MYBBP1A: variants seen among roughly 807,000 people sequenced by gnomAD.
The protein encoded by MYBBP1A is MYB binding protein 1a, also known as myb-binding protein 1A.
A neutral mutation model predicts 136.3 loss-of-function variants in MYBBP1A; 147 were observed. The observed-to-expected ratio is 1.08, with a 90% confidence interval of 0.94 to 1.24. MYBBP1A has a LOEUF of 1.24. Among genes scored for constraint, MYBBP1A ranks in the 50% most tolerant of loss-of-function variants. The pLI is 0.00. For synonymous variants in MYBBP1A, 947 were observed against 735.8 expected, an observed-to-expected ratio of 1.29 and a Z score of -4.65; for missense variants, 2,060 against 1,727.4, an observed-to-expected ratio of 1.19 and a Z score of -3.41.
intron 22 of MYBBP1A, 67 bp from the exon 23 acceptor site, chr17:4,541,958 T>C: frequency 7.4e-7 from 1 of 1,350,016 alleles, no homozygotes; most frequent in Non-Finnish European, 1.0e-6. Flanking sequence ...CAGGGATGCA[T>C]GAGGGCTCGG....
Position 4,554,078 on chromosome 17 carries a change from C to A in MYBBP1A, c.394G>T (p.Ala132Ser). ...HQVKKAMLRP[A>S]LFANLFGVLA... The stretch of plus-strand genomic sequence containing the variant: ...ACTCCAAACAGGTTTGCAAAGAGAG[C>A]AGGTCTCAGCATTGCCTAGAAAAGG... Residue 132 changes from alanine to serine, a missense_variant, in exon 4 of 26, where the codon GCT (alanine) becomes TCT (serine). By Grantham distance (99) the Ala-to-Ser change is moderately conservative. Transcript: ENST00000254718. 6.2e-7 allele frequency: 1 copy of A among 1,614,044 alleles called. No individual in the cohort carries two copies. Among genetic ancestry groups the A allele is most frequent in the East Asian group, 2.2e-5 (1 of 44,886 alleles).
intron 22 of MYBBP1A, 85 bp downstream of exon 22, chr17:4,542,379 C>G (rs2144429833): frequency 6.9e-7 from 1 of 1,453,754 alleles, no homozygotes; most frequent in African/African-American, 1.4e-5. Flanking sequence ...GGACAGCGCT[C>G]TGGGGCCTCA....
Position 4,548,214 on chromosome 17 carries a change from G to C in MYBBP1A, c.1653C>G (p.Leu551=), listed in dbSNP as rs763237942. 1.2e-6 allele frequency: 2 copies of C among 1,609,670 alleles called. No individual in the cohort carries two copies. Among genetic ancestry groups the C allele is most frequent in the East Asian group, 2.2e-5 (1 of 44,890 alleles). The change falls in exon 12 of 26, where the codon CTC becomes CTG. Residue 551 remains leucine (L), a synonymous_variant. Coordinates refer to ENST00000254718, the MANE Select transcript of MYBBP1A (RefSeq NM_014520.4). This position sits in a 1 kb window ranked among gnomAD's most constrained non-coding sequence, Gnocchi z 4.2. ...TCACGTTGTGGCTGTGATTCAACAG[G>C]AGGTCTGCGAACTGCACCAGGTGGT... ...WTYHLVQFAD[L]LLNHSHNVTT... is the part of the protein sequence containing the mutation.
In MYBBP1A at chr17:4,542,960, T is replaced by C; in HGVS notation, c.2845A>G (p.Lys949Glu). ...AEGCVHETQE[K>E]QKAGTDPSHM... ...CTGGGGTCAGTGCCAGCTTTCTGCT[T>C]CTCCTGTGTCTCATGCACGCAGCCC... The change falls in exon 20 of 26, where the codon AAG (lysine) becomes GAG (glutamate). Residue 949 changes from lysine (K) to glutamate (E), a missense_variant. Physicochemically the swap from Lys to Glu is moderately conservative, Grantham distance 56. Transcript: ENST00000254718. 1.9e-6 allele frequency: 3 copies of C among 1,613,946 alleles called. No homozygotes were observed. The highest frequency in any genetic ancestry group is 2.5e-6 in the Non-Finnish European group (3 of 1,179,956).
intron 16 of MYBBP1A, 35 bp from the exon 17 acceptor site, chr17:4,545,210 C>G (rs202129429): frequency 3.1e-4 from 503 of 1,613,022 alleles, no homozygotes; most frequent in Middle Eastern, 2.8e-3. Context: ...ACACACCTCC[C>G]CGATCGTCCC....
chr17:4,555,130 C>T lies in MYBBP1A; in HGVS notation c.195G>A (p.Pro65=). ...EKLLEYLRGR[P]KGSEMKYALK... ...GCCCCAGACCCCGCCACTCCACCTT[C>T]GGCCTGCCACGCAGATACTCCAGCA... Residue 65 remains proline, a synonymous_variant, in exon 1 of 26, where the codon CCG becomes CCA. Coordinates refer to ENST00000254718, the MANE Select transcript of MYBBP1A (RefSeq NM_014520.4). The T allele has an allele frequency of 1.3e-6, 2 of 1,588,726 alleles. No individual in the cohort carries two copies. Among genetic ancestry groups the T allele is most frequent in the Non-Finnish European group, 1.7e-6 (2 of 1,167,248 alleles).
intron 5 of MYBBP1A, among the ~76,000 whole-genome samples, chr17:4,553,076 C>T (rs547634518): frequency 6.0e-4 from 91 of 152,350 alleles, no homozygotes; most frequent in African/African-American, 2.1e-3. Flanking sequence ...CCCACCTCGG[C>T]CTCCCAAAGT....
At position 4,544,588 on chromosome 17, in the gene MYBBP1A, T is replaced by G; in HGVS notation, c.2540A>C (p.Glu847Ala). The change falls in exon 19 of 26, where the codon GAG becomes GCG. Residue 847 changes from glutamate to alanine, a missense_variant. Physicochemically the swap from Glu to Ala is moderately radical, Grantham distance 107. Transcript: ENST00000254718. ...GATGCTCAGCAGCGGCTCCAGCAGC[T>G]CCAGGACCAGGGCATTCTCGGGCTG... ...TKQPENALVL[E>A]LLEPLLSIIR... 1 of 1,580,392 alleles carries G rather than the reference T, an allele frequency of 6.3e-7. No individual in the cohort carries two copies.
chr17:4,553,630 A>T (rs1382505988), intron 5 of MYBBP1A, among the ~76,000 whole-genome samples, 180 bp downstream of exon 5: 1 of 152,258 alleles, frequency 6.6e-6, no homozygotes, highest in East Asian at 1.9e-4. Flanking sequence ...GTCAAATGTC[A>T]CTAAATGTTA....
chr17:4,549,248 G>A (rs2144484815), intron 10 of MYBBP1A, 84 bp downstream of exon 10: 1 of 1,192,274 alleles, frequency 8.4e-7, no homozygotes, highest in Non-Finnish European at 1.2e-6. Context: ...TCTGGCTCCA[G>A]GGGATGCAAA....
Position 4,548,281 on chromosome 17 carries a change from T to C in MYBBP1A, c.1586A>G (p.Lys529Arg), listed in dbSNP as rs73337533. Residue 529 changes from lysine (K) to arginine (R), a missense_variant, in exon 12 of 26, where the codon AAG becomes AGG. Transcript: ENST00000254718. The surrounding 1 kb of genome is among the most constrained non-coding windows in gnomAD (Gnocchi z 4.2). ...ACCCTGGGTCTGGCCCGGTGCCTGC[T>C]TGAACTGCGTGCTGAGGGTCTGCAA... ...SLLQTLSTQFKQAPGQTQGGQ... is the reference protein window; with the variant it reads ...SLLQTLSTQFRQAPGQTQGGQ... 0.016 allele frequency: 26,282 copies of C among 1,612,550 alleles called. 362 individuals are homozygous for C. The highest frequency in any genetic ancestry group is 0.056 in the African/African-American group (4,207 of 75,044).
At position 4,542,673 on chromosome 17, in the gene MYBBP1A, G is replaced by C. The variant is rs140133737; in HGVS notation, c.2961C>G (p.Thr987=). 8.1e-6 allele frequency: 13 copies of C among 1,614,050 alleles called. No homozygotes were observed. The African/African-American group carries it at 1.7e-4, about 22-fold the overall frequency. ...GAACTGTGAGGGGGCTGTTGCGCTT[G>C]GTCAGGAAGGAGCTCAGTGCTGTCG... The part of the protein sequence containing the change: ...VYSTALSSFL[T]KRNSPLTVPM... Residue 987 remains threonine (T), a synonymous_variant, in exon 21 of 26, where the codon ACC becomes ACG. Coordinates refer to ENST00000254718, the MANE Select transcript of MYBBP1A (RefSeq NM_014520.4).
intron 22 of MYBBP1A, 156 bp from the exon 23 acceptor site, chr17:4,542,047 T>C: frequency 3.2e-6 from 2 of 623,858 alleles, no homozygotes; most frequent in East Asian, 2.8e-5. Context: ...CTCCTGTGCC[T>C]TTGTGTGCAG....
Position 4,548,086 on chromosome 17 carries a change from C to T in MYBBP1A, c.1725-29G>A, listed in dbSNP as rs1907157226. The stretch of plus-strand genomic sequence containing the variant: ...CGGGGAGACAGGCGATTCCCAGGCC[C>T]CTGCACCAGTCAGACTGCAGCGTCC... On this transcript the variant is annotated intron_variant, in intron 12 of 25. Transcript: ENST00000254718. This position sits in a 1 kb window ranked among gnomAD's most constrained non-coding sequence, Gnocchi z 4.2. 1.2e-6 allele frequency: 2 copies of T among 1,600,190 alleles called. No homozygotes were observed. The highest frequency in any genetic ancestry group is 1.7e-6 in the Non-Finnish European group (2 of 1,176,428).
chr17:4,551,973 G>GC lies in MYBBP1A; in HGVS notation c.929dup (p.Ala311ArgfsTer31). ...CCTTGGTCAGCAGGGGCAGGGCCGC[G>GC]CCCAGCAGGCGGAAACACAGGTAGC... On this transcript the variant is annotated frameshift_variant, in exon 8 of 26. Transcript: ENST00000254718. LOFTEE classifies it high-confidence loss of function. 6.2e-7 allele frequency: 1 copy of GC among 1,610,798 alleles called. No homozygotes were observed. Among genetic ancestry groups the GC allele is most frequent in the Non-Finnish European group, 8.5e-7 (1 of 1,177,716 alleles).
rs1906434939 is a variant in MYBBP1A, at chr17:4,541,575, G to A, written c.3196-11C>T. 3 of 1,610,648 alleles carry A rather than the reference G, an allele frequency of 1.9e-6. No homozygotes were observed. The highest frequency in any genetic ancestry group is 2.5e-6 in the Non-Finnish European group (3 of 1,179,706). On this transcript the variant is annotated splice_polypyrimidine_tract_variant and intron_variant, in intron 23 of 25. Transcript: ENST00000254718. ...CAGCACGCGCAAGTTCTAGGGAAGGGTGGCCAGGCTGAGGCACTCCGGAGA... is the reference window on the plus strand; with the variant it reads ...CAGCACGCGCAAGTTCTAGGGAAGGATGGCCAGGCTGAGGCACTCCGGAGA...
rs1379184286 is a variant in MYBBP1A at position 4,539,352 on chromosome 17, A to G, written c.*63T>C. The G allele has an allele frequency of 6.7e-7, 1 of 1,501,790 alleles. No individual in the cohort carries two copies. Among genetic ancestry groups the G allele is most frequent in the East Asian group, 2.3e-5 (1 of 43,640 alleles). 93.0% of individuals were successfully genotyped at this position (1,501,790 alleles called of 1,614,324 possible). On this transcript the variant is annotated 3_prime_UTR_variant, in exon 26 of 26. Coordinates refer to ENST00000254718, the MANE Select transcript of MYBBP1A (RefSeq NM_014520.4). ...GTATTAAAATCATGGTTTAAAAAAAAAAAAAAAAAATAGGCGTCTCAGGCA... is the reference window on the plus strand; with the variant it reads ...GTATTAAAATCATGGTTTAAAAAAAGAAAAAAAAAATAGGCGTCTCAGGCA...
Position 4,554,072 on chromosome 17 carries a change from A to G in MYBBP1A, c.400T>C (p.Phe134Leu). 8 of 1,614,032 alleles carry G rather than the reference A, an allele frequency of 5.0e-6. No individual in the cohort carries two copies. The highest frequency in any genetic ancestry group is 5.9e-6 in the Non-Finnish European group (7 of 1,180,026). The change falls in exon 4 of 26, where the codon TTT becomes CTT. Residue 134 changes from phenylalanine (F) to leucine (L), a missense_variant. By Grantham distance (22) the Phe-to-Leu change is conservative (BLOSUM62 0). Transcript: ENST00000254718. ...VKKAMLRPAL[F>L]ANLFGVLALF... ...GCGAGCACTCCAAACAGGTTTGCAAAGAGAGCAGGTCTCAGCATTGCCTAG... is the reference window on the plus strand; with the variant it reads ...GCGAGCACTCCAAACAGGTTTGCAAGGAGAGCAGGTCTCAGCATTGCCTAG...
intron 17 of MYBBP1A, 40 bp downstream of exon 17, chr17:4,544,986 G>GCCCAGCCC: frequency 1.4e-6 from 2 of 1,464,168 alleles, no homozygotes; most frequent in Non-Finnish European, 9.1e-7. Context: ...GGACACCCGA[G>GCCCAGCCC]CCCTCCCCGG....
Sources: gnomAD v4.1 joint callset for allele counts (sites outside exome capture counted in the v4.1 genomes callset) on GRCh38, gnomAD v4.1.1 for gene constraint, Gnocchi (gnomAD v3.1) non-coding constraint, MANE v1.5 for transcripts, NCBI Gene and HGNC (gene_info 2026-07-23, HGNC 2026-07-21) for gene names.